Variants in EBNA1BP2 observed in about 807,000 individuals in gnomAD.
EBNA1BP2 encodes EBNA1 binding protein 2, also known as probable rRNA-processing protein EBP2.
Under a neutral mutation model 43.5 loss-of-function variants are expected in EBNA1BP2, and 36 were observed. The ratio of observed to expected loss-of-function variants is 0.83; its 90% CI spans 0.63 to 1.09. EBNA1BP2 has a LOEUF of 1.09. Ranked by LOEUF, EBNA1BP2 falls within the 50% of genes least tolerant of loss-of-function variation. The pLI, the probability that EBNA1BP2 is intolerant of heterozygous loss-of-function variation, is 0.00. For missense variants in EBNA1BP2, 332 were observed against 379.1 expected (o/e 0.88, Z 1.03); for synonymous variants, 127 against 141.3 (o/e 0.90, Z 0.72).
intron 6 of EBNA1BP2, 81 bp from the exon 7 acceptor site, chr1:43,167,000 T>C: frequency 6.5e-7 from 1 of 1,533,886 alleles, no homozygotes; most frequent in Non-Finnish European, 9.0e-7. Flanking sequence ...GGCTGTTATT[T>C]GCTACACTGA....
intron 7 of EBNA1BP2, among the ~76,000 whole-genome samples, chr1:43,166,570 T>C (rs1644919453): frequency 6.6e-6 from 1 of 152,082 alleles, no homozygotes. Flanking sequence ...ACTGTACCAG[T>C]GCACTGTAGC....
At chr1:43,169,066 T>C in intron 4 of EBNA1BP2, 38 bp from the exon 5 acceptor site, 1 of 1,595,678 alleles carries the variant, frequency 6.3e-7, no homozygotes, top group Non-Finnish European at 8.6e-7. Context: ...GTCATTTGAA[T>C]CTGGAATGAC....
upstream of EBNA1BP2, chr1:43,172,530 C>G: frequency 7.6e-7 from 1 of 1,319,736 alleles, no homozygotes; most frequent in Non-Finnish European, 1.0e-6. Flanking sequence ...GAAAAAGGAG[C>G]CGCGGGGGTG....
chr1:43,169,473 G>A (rs1348174311), intron 4 of EBNA1BP2, among the ~76,000 whole-genome samples: 1 of 152,154 alleles, frequency 6.6e-6, no homozygotes, highest in Non-Finnish European at 1.5e-5. Context: ...TTGTCAGTGA[G>A]AATTTGTACA....
rs749963250 is a variant in EBNA1BP2, at chr1:43,171,618, G to T, written c.184C>A (p.Arg62=). Residue 62 remains arginine (R), a synonymous_variant, in exon 3 of 9, where the codon CGG becomes AGG. Coordinates refer to ENST00000236051, the MANE Select transcript of EBNA1BP2 (RefSeq NM_006824.3). ...AGCCTTTCAACCCATTCCAGATCCC[G>T]CTTGAATTCTGCCAAACATTGCTTC... ...GLKQCLAEFK[R]DLEWVERLDV... is the part of the protein sequence containing the mutation. 6.2e-7 allele frequency: 1 copy of T among 1,614,040 alleles called. No homozygotes were observed. The highest frequency in any genetic ancestry group is 2.2e-5 in the East Asian group (1 of 44,882).
At chr1:43,168,506 T>C (rs1644932973) in intron 5 of EBNA1BP2, among the ~76,000 whole-genome samples, 1 of 152,228 alleles carries the variant, frequency 6.6e-6, no homozygotes, top group African/African-American at 2.4e-5. Flanking sequence ...TTCAGGTACG[T>C]GATTATCACA....
chr1:43,167,286 G>A (rs1382024801), intron 5 of EBNA1BP2, 51 bp from the exon 6 acceptor site: 2 of 1,546,048 alleles, frequency 1.3e-6, no homozygotes, highest in South Asian at 2.2e-5. Flanking sequence ...CATTACTCCA[G>A]TGTCTACATT....
chr1:43,171,824 G>A, intron 2 of EBNA1BP2, 62 bp downstream of exon 2: 3 of 1,598,170 alleles, frequency 1.9e-6, no homozygotes, highest in East Asian at 2.2e-5. Context: ...GGTCTCCCAA[G>A]CCCAACAGCG....
At chr1:43,171,823 A>G in intron 2 of EBNA1BP2, 63 bp downstream of exon 2, 1 of 1,597,498 alleles carries the variant, frequency 6.3e-7, no homozygotes, top group South Asian at 1.1e-5. Context: ...CGGTCTCCCA[A>G]GCCCAACAGC....
rs745750927 is a variant in EBNA1BP2, at chr1:43,171,872, G to A, written c.150+14C>T. 5 of 1,613,512 alleles carry A rather than the reference G, an allele frequency of 3.1e-6. No homozygotes were observed. In the South Asian group the frequency reaches 3.3e-5, roughly 11 times the overall value. ...CCCATGTCCGAGTACCCCCGACCCT[G>A]TGCCCACGCTCACCACGTCGTTCAC... On this transcript the variant is annotated intron_variant, in intron 2 of 8. Transcript: ENST00000236051.
In EBNA1BP2 at chr1:43,164,296, C is replaced by A. The variant is rs970069669; in HGVS notation, c.*147G>T. On this transcript the variant is annotated 3_prime_UTR_variant, in exon 9 of 9. Coordinates refer to ENST00000236051, the MANE Select transcript of EBNA1BP2 (RefSeq NM_006824.3). ...CAATCTTTTAGTCTAGACTATTTAACCAAAGGTATGTGTTCCTTTAATAAT... is the reference window on the plus strand; with the variant it reads ...CAATCTTTTAGTCTAGACTATTTAAACAAAGGTATGTGTTCCTTTAATAAT... 1 of 878,888 alleles carries A rather than the reference C, an allele frequency of 1.1e-6. No individual in the cohort carries two copies. The highest frequency in any genetic ancestry group is 1.7e-5 in the African/African-American group (1 of 58,908). The allele number at this position is 878,888 out of a possible 1,614,324, so 54.4% of individuals were successfully genotyped here. A position where few individuals can be genotyped will look rare whatever the true frequency, so the allele number is the denominator to read the frequency against.
rs1569729281 is a variant in EBNA1BP2 at position 43,170,607 on chromosome 1, A to C, written c.447+149T>G. ...CATCTAATTGGTGGTAACTGGCATGACTCTGAAGTAGCCAATCTATGGAAG... is the reference window on the plus strand; with the variant it reads ...CATCTAATTGGTGGTAACTGGCATGCCTCTGAAGTAGCCAATCTATGGAAG... On this transcript the variant is annotated intron_variant, in intron 4 of 8. Coordinates refer to ENST00000236051, the MANE Select transcript of EBNA1BP2 (RefSeq NM_006824.3). 7 of 1,159,588 alleles carry C rather than the reference A, an allele frequency of 6.0e-6. 1 individual carries two copies. In the South Asian group the frequency reaches 1.1e-4, roughly 18 times the overall value. The allele number at this position is 1,159,588 out of a possible 1,614,324, so 71.8% of individuals were successfully genotyped here.
intron 3 of EBNA1BP2, 76 bp downstream of exon 3, chr1:43,171,403 A>G (rs913339805): frequency 2.4e-5 from 36 of 1,524,362 alleles, no homozygotes; most frequent in Non-Finnish European, 3.2e-5. Context: ...CTGAGTGCAG[A>G]CTTACTAATT....
intron 5 of EBNA1BP2, among the ~76,000 whole-genome samples, chr1:43,168,646 G>A (rs1360165406): frequency 1.3e-5 from 2 of 152,104 alleles, no homozygotes; most frequent in East Asian, 3.8e-4. Context: ...ATTTCCCCTG[G>A]TGATTTTGCT....
chr1:43,170,614 A>C, intron 4 of EBNA1BP2, 142 bp downstream of exon 4: 1 of 1,249,836 alleles, frequency 8.0e-7, no homozygotes, highest in Admixed American at 2.8e-5. Flanking sequence ...ATGACTCTGA[A>C]GTAGCCAATC....
chr1:43,170,437 A>C (rs1245856058), intron 4 of EBNA1BP2, among the ~76,000 whole-genome samples: 1 of 152,248 alleles, frequency 6.6e-6, no homozygotes, highest in African/African-American at 2.4e-5. Context: ...GCAAGGGCAC[A>C]AGAATGCTGT....
At chr1:43,165,525 G>A (rs775947759) in intron 7 of EBNA1BP2, among the ~76,000 whole-genome samples, 29 of 152,176 alleles carry the variant, frequency 1.9e-4, no homozygotes, top group Middle Eastern at 3.4e-3. Flanking sequence ...TCCTTATCTC[G>A]ACTTTTGCAA....
At chr1:43,167,010 AT>A in intron 6 of EBNA1BP2, 91 bp from the exon 7 acceptor site, 1 of 1,513,594 alleles carries the variant, frequency 6.6e-7, no homozygotes, top group Non-Finnish European at 9.1e-7. Flanking sequence ...TGCTACACTG[AT>A]TTTAAGAGTC....
In EBNA1BP2 at chr1:43,167,301, T is replaced by C. The variant is rs558429197; in HGVS notation, c.538-66A>G. The C allele has an allele frequency of 2.1e-6, 3 of 1,451,630 alleles. No homozygotes were observed. The Admixed American group carries it at 5.0e-5, about 24-fold the overall frequency. The allele number at this position is 1,451,630 out of a possible 1,614,324, so 89.9% of individuals were successfully genotyped here. A position where few individuals can be genotyped will look rare whatever the true frequency, so the allele number is the denominator to read the frequency against. Reference sequence around the variant, plus strand: ...CATTACTCCAGTGTCTACATTGTCTTAATAGCAACACCATGATTAATACCA... The same window carrying C: ...CATTACTCCAGTGTCTACATTGTCTCAATAGCAACACCATGATTAATACCA... On this transcript the variant is annotated intron_variant, in intron 5 of 8. Transcript: ENST00000236051.
Sources: allele counts gnomAD v4.1 joint callset (sites outside exome capture counted in the v4.1 genomes callset), GRCh38; gene constraint gnomAD v4.1.1; transcripts MANE v1.5; gene names NCBI Gene and HGNC (gene_info 2026-07-23, HGNC 2026-07-21).